Variants in MMADHC observed in about 807,000 individuals in gnomAD.
The protein encoded by MMADHC is cobalamin trafficking protein CblD.
Under a neutral mutation model 36.3 loss-of-function variants are expected in MMADHC, and 23 were observed. The ratio of observed to expected loss-of-function variants is 0.63; its 90% confidence interval spans 0.46 to 0.90. The LOEUF is 0.90. Among genes scored for constraint, MMADHC ranks in the 40% least tolerant of loss-of-function variants. The pLI is 0.00. For missense variants in MMADHC, 330 were observed against 348.0 expected, an observed-to-expected ratio of 0.95 and a Z score of 0.41; for synonymous variants, 97 against 116.1, an observed-to-expected ratio of 0.84 and a Z score of 1.06.
In MMADHC at chr2:149,571,790, G is replaced by GAA. The variant is rs5835261; in HGVS notation, c.610-621_610-620dup. 7.7e-4 allele frequency among the ~76,000 whole-genome samples: 109 copies of GAA among 142,050 alleles called. 2 individuals carry two copies. In the East Asian group the frequency reaches 0.01, roughly 13 times the overall value. 93.2% of individuals were successfully genotyped at this position (142,050 alleles called of 152,430 possible). On this transcript the variant is annotated intron_variant, in intron 6 of 7. Coordinates refer to ENST00000303319, the MANE Select transcript of MMADHC (RefSeq NM_015702.3). ...GCGAGACTCCATCTCAAAAAAAAAA[G>GAA]AAAAAAAAAAAGAAATAGGTAAAGG...
intron 4 of MMADHC, among the ~76,000 whole-genome samples, chr2:149,578,903 T>G (rs1302516811): frequency 6.7e-6 from 1 of 149,418 alleles, no homozygotes; most frequent in Non-Finnish European, 1.5e-5. Flanking sequence ...AATGCAAGTT[T>G]AAAATGTTTA....
chr2:149,579,423 C>G lies in MMADHC; in HGVS notation c.372+8G>C, dbSNP rs2105048110. 1 of 1,604,668 alleles carries G rather than the reference C, an allele frequency of 6.2e-7. No homozygotes were observed. The highest frequency in any genetic ancestry group is 1.1e-5 in the South Asian group (1 of 90,816). On this transcript the variant is annotated splice_region_variant and intron_variant, in intron 4 of 7. Transcript: ENST00000303319. Reference sequence around the variant, plus strand: ...AGGAAAGCACAATAAATGTTACCAACAATTTACCTGAAATTCATTCACATA... The same window carrying G: ...AGGAAAGCACAATAAATGTTACCAAGAATTTACCTGAAATTCATTCACATA...
rs1682614167 is a variant in MMADHC at position 149,569,988 on chromosome 2, AT to A, written c.876del (p.Lys292AsnfsTer2). 6.2e-7 allele frequency: 1 copy of A among 1,613,184 alleles called. No homozygotes were observed. Among genetic ancestry groups the A allele is most frequent in the Non-Finnish European group, 8.5e-7 (1 of 1,179,362 alleles). On this transcript the variant is annotated frameshift_variant, in exon 8 of 8. Transcript: ENST00000303319. LOFTEE classifies it high-confidence loss of function. ...GGATATTTCTGCTAATTTCCACTTA[AT>A]TTCTTCATAATATGGCTGTCTGGTG... is the stretch of plus-strand genomic sequence containing the variant. ...NATPDSHIMK[K>X]LSGN is the part of the protein sequence containing the mutation.
chr2:149,586,685 T>A (rs899220336), intron 2 of MMADHC, among the ~76,000 whole-genome samples: 13 of 152,144 alleles, frequency 8.5e-5, no homozygotes, highest in Admixed American at 7.2e-4. Flanking sequence ...CTCCTATTCT[T>A]ATTTTGTAGG....
intron 2 of MMADHC, among the ~76,000 whole-genome samples, chr2:149,583,131 C>T (rs1682818158): frequency 6.6e-6 from 1 of 152,114 alleles, no homozygotes; most frequent in African/African-American, 2.4e-5. Context: ...ATTAAAAACA[C>T]ACATACACAC....
In MMADHC at chr2:149,575,775, G is replaced by GT. The variant is rs1308639482; in HGVS notation, c.544dup (p.Thr182AsnfsTer2). ...ACTCCAAACAGTCATATCATTCTTA[G>GT]TTTTTTGTGTTACAGTCAGAATCAT... On this transcript the variant is annotated frameshift_variant, in exon 6 of 8. Transcript: ENST00000303319. LOFTEE classifies it high-confidence loss of function. 35 of 1,608,986 alleles carry GT rather than the reference G, an allele frequency of 2.2e-5. No homozygotes were observed. Among genetic ancestry groups the GT allele is most frequent in the Non-Finnish European group, 2.9e-5 (34 of 1,176,414 alleles).
chr2:149,584,874 A>AC, intron 2 of MMADHC, among the ~76,000 whole-genome samples: 1 of 152,028 alleles, frequency 6.6e-6, no homozygotes, highest in Non-Finnish European at 1.5e-5. Flanking sequence ...CGTTTCTACT[A>AC]AAAATACAAA....
chr2:149,576,498 A>G lies in MMADHC; in HGVS notation c.417T>C (p.Thr139=). Residue 139 remains threonine (T), a synonymous_variant, in exon 5 of 8, where the codon ACT becomes ACC. Coordinates refer to ENST00000303319, the MANE Select transcript of MMADHC (RefSeq NM_015702.3). The part of the protein sequence containing the change: ...PVEQEINSAE[T]YFESARVECA... The stretch of plus-strand genomic sequence containing the variant: ...ACTCTACTCTGGCACTTTCAAAGTA[A>G]GTTTCTGCACTGTTAATTTCTTGTT... 1 of 1,613,792 alleles carries G rather than the reference A, an allele frequency of 6.2e-7. No homozygotes were observed. The highest frequency in any genetic ancestry group is 8.5e-7 in the Non-Finnish European group (1 of 1,179,750).
At chr2:149,587,431 T>C in intron 1 of MMADHC, 1 of 428,792 alleles carries the variant, frequency 2.3e-6, no homozygotes, top group Non-Finnish European at 4.2e-6. Flanking sequence ...CAAAATTCAG[T>C]CCAGAGGATC....
At chr2:149,585,359 A>C (rs1203205409) in intron 2 of MMADHC, among the ~76,000 whole-genome samples, 4 of 152,228 alleles carry the variant, frequency 2.6e-5, no homozygotes, top group African/African-American at 9.7e-5. Context: ...CTTAGGACTA[A>C]GTTCTGCTTT....
Position 149,582,289 on chromosome 2 carries a change from TTAAAAC to T in MMADHC, c.10-24_10-19del, listed in dbSNP as rs960018658. ...CAAAGCACCTAGAAATGACACAAAA[TTAAAAC>T]TATTTGTTCTGAATATAAATGTTAT... is the stretch of plus-strand genomic sequence containing the variant. On this transcript the variant is annotated intron_variant, in intron 2 of 7. Transcript: ENST00000303319. 1 of 1,611,958 alleles carries T rather than the reference TTAAAAC, an allele frequency of 6.2e-7. No homozygotes were observed. The highest frequency in any genetic ancestry group is 1.3e-5 in the African/African-American group (1 of 74,834).
At chr2:149,581,061 C>T (rs1682786337) in intron 3 of MMADHC, among the ~76,000 whole-genome samples, 1 of 152,122 alleles carries the variant, frequency 6.6e-6, no homozygotes, top group Non-Finnish European at 1.5e-5. Flanking sequence ...GTCTAACAAT[C>T]CCTAGATTCT....
intron 2 of MMADHC, among the ~76,000 whole-genome samples, chr2:149,585,016 T>C (rs1157234452): frequency 2.9e-5 from 4 of 138,490 alleles, no homozygotes; most frequent in Non-Finnish European, 6.1e-5. Flanking sequence ...CACTCCGGCC[T>C]GGGAAACAAG....
Position 149,587,102 on chromosome 2 carries a change from G to T in MMADHC, c.-5C>A. 4.3e-6 allele frequency: 7 copies of T among 1,613,724 alleles called. No homozygotes were observed. The highest frequency in any genetic ancestry group is 5.9e-6 in the Non-Finnish European group (7 of 1,179,648). On this transcript the variant is annotated 5_prime_UTR_variant, in exon 2 of 8. Coordinates refer to ENST00000303319, the MANE Select transcript of MMADHC (RefSeq NM_015702.3). Reference sequence around the variant, plus strand: ...TAATTTACTCACATTGGCCATCTCCGCTGGAGAAGATAGTTCGCAAAATAG... The same window carrying T: ...TAATTTACTCACATTGGCCATCTCCTCTGGAGAAGATAGTTCGCAAAATAG...
chr2:149,582,700 C>T (rs1682812545), intron 2 of MMADHC, among the ~76,000 whole-genome samples: 1 of 152,214 alleles, frequency 6.6e-6, no homozygotes, highest in East Asian at 1.9e-4. Context: ...CTATAAATTG[C>T]GCTAATTCTC....
chr2:149,584,341 G>C (rs1466666583), intron 2 of MMADHC, among the ~76,000 whole-genome samples: 3 of 152,166 alleles, frequency 2.0e-5, no homozygotes, highest in Non-Finnish European at 4.4e-5. Context: ...AAGTTCTATA[G>C]TAAGTGCTGT....
chr2:149,580,250 C>T (rs1421136956), intron 3 of MMADHC, among the ~76,000 whole-genome samples: 4 of 152,104 alleles, frequency 2.6e-5, no homozygotes, highest in Non-Finnish European at 5.9e-5. Flanking sequence ...TCATGAGCCA[C>T]TGTGCCAGGC....
chr2:149,587,402 G>A (rs1007650854), intron 1 of MMADHC: 2 of 498,544 alleles, frequency 4.0e-6, no homozygotes, highest in Non-Finnish European at 3.6e-6. Flanking sequence ...ATCCGGGAGG[G>A]GAATGGGGGC....
At chr2:149,586,937 CAT>C in intron 2 of MMADHC, 150 bp downstream of exon 2, 1 of 756,188 alleles carries the variant, frequency 1.3e-6, no homozygotes, top group Non-Finnish European at 2.3e-6. Context: ...CAAAGCATAA[CAT>C]AATTTCACAC....
Sources: allele counts gnomAD v4.1 joint callset (sites outside exome capture counted in the v4.1 genomes callset), GRCh38; gene constraint gnomAD v4.1.1; transcripts MANE v1.5; gene names NCBI Gene and HGNC (gene_info 2026-07-23, HGNC 2026-07-21).